The following UBXN4 variants were observed in gnomAD, a reference collection of about 807,000 sequenced individuals.
UBXN4 encodes the protein UBX domain-containing protein 4.
Under a neutral mutation model 66.2 loss-of-function variants are expected in UBXN4, and 35 were observed. That is an observed-to-expected ratio of 0.53 (90% CI 0.40 to 0.70). UBXN4 has a LOEUF of 0.70. Among genes scored for constraint, UBXN4 ranks in the 30% least tolerant of loss-of-function variants. The pLI, the probability that UBXN4 is intolerant of heterozygous loss-of-function variation, is 0.00. For missense variants in UBXN4, 533 were observed against 599.8 expected, an observed-to-expected ratio of 0.89 and a Z score of 1.16; for synonymous variants, 203 against 204.5, an observed-to-expected ratio of 0.99 and a Z score of 0.06.
chr2:135,759,736 T>C (rs910297232), intron 5 of UBXN4, among the ~76,000 whole-genome samples: 1 of 151,750 alleles, frequency 6.6e-6, no homozygotes, highest in Non-Finnish European at 1.5e-5. Context: ...TCAGTTGTTT[T>C]AGCTTATTGA....
At chr2:135,782,330 A>G (rs2105511453) in intron 12 of UBXN4, among the ~76,000 whole-genome samples, 1 of 152,316 alleles carries the variant, frequency 6.6e-6, no homozygotes, top group East Asian at 1.9e-4. Context: ...GATTTTGCGA[A>G]GGATTTAAAA....
At chr2:135,748,621 G>A (rs1329600961) in intron 2 of UBXN4, among the ~76,000 whole-genome samples, 1 of 151,522 alleles carries the variant, frequency 6.6e-6, no homozygotes, top group East Asian at 1.9e-4. Flanking sequence ...CTGCTACTTG[G>A]GAGGCTGAGG....
chr2:135,782,988 G>C lies in UBXN4; in HGVS notation c.*101G>C. 7.6e-7 allele frequency: 1 copy of C among 1,314,544 alleles called. No individual in the cohort carries two copies. Among genetic ancestry groups the C allele is most frequent in the Non-Finnish European group, 1.0e-6 (1 of 957,752 alleles). The allele number at this position is 1,314,544 out of a possible 1,614,324, so 81.4% of individuals were successfully genotyped here. A position where few individuals can be genotyped will look rare whatever the true frequency, so the allele number is the denominator to read the frequency against. ...GGGACTGCTTTATATTTTCCAACTG[G>C]TCTATAAAATGTCTCTTTATTCCTG... is the stretch of plus-strand genomic sequence containing the variant. On this transcript the variant is annotated 3_prime_UTR_variant, in exon 13 of 13. Transcript: ENST00000272638.
At position 135,782,808 on chromosome 2, in the gene UBXN4, A is replaced by G; in HGVS notation, c.1448A>G (p.Lys483Arg). 6.2e-7 allele frequency: 1 copy of G among 1,614,068 alleles called. No individual in the cohort carries two copies. Among genetic ancestry groups the G allele is most frequent in the Non-Finnish European group, 8.5e-7 (1 of 1,179,954 alleles). The part of the protein sequence containing the change: ...KRGDDFKKEG[K>R]IYRLRTQDDG... ...GGAGACGACTTTAAAAAGGAGGGGA[A>G]AATTTATAGATTAAGGACTCAAGAT... is the stretch of plus-strand genomic sequence containing the variant. Residue 483 changes from lysine (K) to arginine (R), a missense_variant, in exon 13 of 13, where the codon AAA becomes AGA. By Grantham distance (26) the Lys-to-Arg change is conservative. Transcript: ENST00000272638.
chr2:135,742,071 C>G, intron 1 of UBXN4, 60 bp downstream of exon 1: 3 of 1,569,384 alleles, frequency 1.9e-6, no homozygotes, highest in African/African-American at 2.7e-5. Flanking sequence ...CCTTCATCCT[C>G]TTGTATACCT....
At chr2:135,746,108 C>T (rs2077206385) in intron 1 of UBXN4, among the ~76,000 whole-genome samples, 1 of 151,970 alleles carries the variant, frequency 6.6e-6, no homozygotes, top group African/African-American at 2.4e-5. Flanking sequence ...GATCTCTTGA[C>T]CTCGTGATCC....
intron 9 of UBXN4, among the ~76,000 whole-genome samples, chr2:135,775,807 C>T (rs546895155): frequency 6.6e-6 from 1 of 152,214 alleles, no homozygotes; most frequent in Non-Finnish European, 1.5e-5. Context: ...CGCTCTATTG[C>T]CTAGGCTGGA....
chr2:135,784,516 T>C lies in UBXN4; in HGVS notation c.*1629T>C, dbSNP rs1309333277. The C allele has an allele frequency of 6.6e-6, 1 of 152,432 alleles. No individual in the cohort carries two copies. The highest frequency in any genetic ancestry group is 1.5e-5 in the Non-Finnish European group (1 of 68,028). The allele number at this position is 152,432 out of a possible 1,614,324, so 9.4% of individuals were successfully genotyped here. A position where few individuals can be genotyped will look rare whatever the true frequency, so the allele number is the denominator to read the frequency against. On this transcript the variant is annotated 3_prime_UTR_variant, in exon 13 of 13. Transcript: ENST00000272638. The stretch of plus-strand genomic sequence containing the variant: ...ATAATGGTAAGATTGGTTTATGTGA[T>C]TTTAGTGGTATTTTTGGCACCCTTA...
chr2:135,760,683 T>C (rs2077310007), intron 5 of UBXN4, among the ~76,000 whole-genome samples: 1 of 152,224 alleles, frequency 6.6e-6, no homozygotes. Context: ...ATTTATTTTA[T>C]TTGCTAAAGA....
chr2:135,750,878 C>T (rs1178305724), intron 2 of UBXN4, among the ~76,000 whole-genome samples: 6 of 96,666 alleles, frequency 6.2e-5, no homozygotes, highest in Admixed American at 1.6e-4. Context: ...TTTTTTGAGA[C>T]GGAGTCTTGC....
At chr2:135,747,754 C>A (rs138087641) in intron 1 of UBXN4, 227 of 452,018 alleles carry the variant, frequency 5.0e-4, no homozygotes, top group African/African-American at 4.2e-3. Context: ...CCTGCCTCAG[C>A]CTCCTATGTA....
intron 9 of UBXN4, among the ~76,000 whole-genome samples, chr2:135,774,119 T>G (rs963137020): frequency 6.6e-6 from 1 of 152,232 alleles, no homozygotes; most frequent in South Asian, 2.1e-4. Context: ...TTTTCAAACT[T>G]ACTGCAAAGC....
intron 2 of UBXN4, among the ~76,000 whole-genome samples, chr2:135,751,378 TG>T (rs1553647362): frequency 6.7e-6 from 1 of 149,650 alleles, no homozygotes; most frequent in Non-Finnish European, 1.5e-5. Context: ...TTAGTAGAGA[TG>T]GGGTTTCACA....
chr2:135,779,445 A>G (rs2077436624), intron 11 of UBXN4, among the ~76,000 whole-genome samples: 1 of 152,308 alleles, frequency 6.6e-6, no homozygotes, highest in East Asian at 1.9e-4. Flanking sequence ...ATATTCAAAC[A>G]GATTATCCCA....
At chr2:135,754,309 A>G in intron 4 of UBXN4, 32 bp downstream of exon 4, 1 of 1,545,040 alleles carries the variant, frequency 6.5e-7, no homozygotes, top group Admixed American at 1.7e-5. Context: ...GTTTCCGTAA[A>G]TGGTACGTCA....
rs1357762354 is a variant in UBXN4 at position 135,748,282 on chromosome 2, C to G, written c.98C>G (p.Ser33Cys). Residue 33 changes from serine to cysteine, a missense_variant, in exon 2 of 13, where the codon TCT (serine) becomes TGT (cysteine). Around this residue, in one of 2 missense-constraint regions of UBXN4, gnomAD observed 529 missense variants for 580.1 expected, o/e 0.91. Coordinates refer to ENST00000272638, the MANE Select transcript of UBXN4 (RefSeq NM_014607.4). ...TGTTTTACAGGTGATGATGAACAGT[C>G]TACACAGATGGCTGCAAGTTGGGAA... is the stretch of plus-strand genomic sequence containing the variant. ...VVFVAGDDEQ[S>C]TQMAASWEDD... is the part of the protein sequence containing the mutation. The G allele has an allele frequency of 1.9e-6, 3 of 1,604,130 alleles. No homozygotes were observed. Among genetic ancestry groups the G allele is most frequent in the Non-Finnish European group, 2.6e-6 (3 of 1,175,470 alleles).
At chr2:135,754,863 CA>C (rs1420042720) in intron 4 of UBXN4, among the ~76,000 whole-genome samples, 1 of 152,198 alleles carries the variant, frequency 6.6e-6, no homozygotes, top group Non-Finnish European at 1.5e-5. Flanking sequence ...CAGCTCACTG[CA>C]ATCTCTACCT....
intron 6 of UBXN4, among the ~76,000 whole-genome samples, chr2:135,768,630 C>T (rs1434066860): frequency 6.6e-6 from 1 of 151,708 alleles, no homozygotes; most frequent in Non-Finnish European, 1.5e-5. Flanking sequence ...GTGACATGAT[C>T]TCGGCTCACT....
rs769320981 is a variant in UBXN4, at chr2:135,767,003, C to T, written c.603-2766C>T. On this transcript the variant is annotated intron_variant, in intron 6 of 12. Transcript: ENST00000272638. ...ACCCCCTCTACTTTCCATCTGCCCA[C>T]CCCCGCCCCCTTTTTCCAGTAAACT... Among the ~76,000 whole-genome samples the T allele has an allele frequency of 3.3e-5, 5 of 151,970 alleles. No homozygotes were observed. The East Asian group carries it at 9.6e-4, about 29-fold the overall frequency.
Sources: allele counts gnomAD v4.1 joint callset (sites outside exome capture counted in the v4.1 genomes callset), GRCh38; gene constraint gnomAD v4.1.1; regional missense constraint gnomAD v4.1.1; transcripts MANE v1.5; gene names NCBI Gene and HGNC (gene_info 2026-07-23, HGNC 2026-07-21).